PPARGC1A: variants seen among roughly 807,000 people sequenced by gnomAD.
The protein encoded by PPARGC1A is peroxisome proliferator-activated receptor gamma coactivator 1-alpha.
PPARGC1A carries 25 observed loss-of-function variants against 88.7 expected under a neutral mutation model. That is an observed-to-expected ratio of 0.28 (90% CI 0.21 to 0.39). PPARGC1A has a LOEUF of 0.39. Among genes scored for constraint, PPARGC1A ranks in the 10% least tolerant of loss-of-function variants. PPARGC1A has a pLI of 1.00. For synonymous variants in PPARGC1A, 363 were observed against 355.6 expected, an observed-to-expected ratio of 1.02 and a Z score of -0.24; for missense variants, 880 against 968.7, an observed-to-expected ratio of 0.91 and a Z score of 1.22.
At position 23,873,202 on chromosome 4, in the gene PPARGC1A, ATAAAAAATAAAAAAT is replaced by A. The variant is rs1458113875; in HGVS notation, c.234+11535_234+11549del. ...GACAGAGCGAGACTCCGTCTCAAAA[ATAAAAAATAAAAAAT>A]AAAAAATAAAGAAAAAAATGTGACC... is the stretch of plus-strand genomic sequence containing the variant. On this transcript the variant is annotated intron_variant, in intron 2 of 12. Coordinates refer to ENST00000264867, the MANE Select transcript of PPARGC1A (RefSeq NM_013261.5). 9.5e-5 allele frequency among the ~76,000 whole-genome samples: 13 copies of A among 136,900 alleles called. 2 individuals are homozygous for A. Among genetic ancestry groups the A allele is most frequent in the East Asian group, 4.4e-4 (2 of 4,520 alleles). 89.8% of individuals were successfully genotyped at this position (136,900 alleles called of 152,430 possible).
chr4:23,872,715 T>C (rs757041598), intron 2 of PPARGC1A, among the ~76,000 whole-genome samples: 5 of 152,210 alleles, frequency 3.3e-5, no homozygotes, highest in South Asian at 4.2e-4. Flanking sequence ...GGTTTACTTT[T>C]AACCACTGTA....
the PPARGC1A span, among the ~76,000 whole-genome samples, chr4:24,354,570 C>G: frequency 6.6e-6 from 1 of 152,154 alleles, no homozygotes. Context: ...TAAGACAAAA[C>G]AGCTGAGACA....
chr4:23,802,103 T>C, intron 11 of PPARGC1A, 121 bp downstream of exon 11: 1 of 1,412,548 alleles, frequency 7.1e-7, no homozygotes, highest in Non-Finnish European at 9.7e-7. Flanking sequence ...AATAAGGTTC[T>C]GAACTCAACA....
intron 2 of PPARGC1A, among the ~76,000 whole-genome samples, chr4:23,880,548 A>G (rs562544640): frequency 9.8e-5 from 15 of 152,334 alleles, no homozygotes; most frequent in African/African-American, 3.6e-4. Flanking sequence ...TAACTTTTTG[A>G]TAGGTACATA....
At chr4:23,802,139 G>T in intron 11 of PPARGC1A, 85 bp downstream of exon 11, 1 of 1,568,124 alleles carries the variant, frequency 6.4e-7, no homozygotes, top group Non-Finnish European at 8.7e-7. Flanking sequence ...CACTTACATT[G>T]GCAACTCCCA....
At chr4:23,801,020 A>T (rs925269886) in intron 12 of PPARGC1A, among the ~76,000 whole-genome samples, 2 of 150,298 alleles carry the variant, frequency 1.3e-5, no homozygotes, top group Non-Finnish European at 3.0e-5. Context: ...TATGAAATTT[A>T]ATTTTCTTCT....
At chr4:23,993,009 T>G in the PPARGC1A span, among the ~76,000 whole-genome samples, 3 of 152,270 alleles carry the variant, frequency 2.0e-5, no homozygotes, top group Admixed American at 1.3e-4. Flanking sequence ...TTCCCTTATA[T>G]GATATCCTAA....
the PPARGC1A span, among the ~76,000 whole-genome samples, chr4:24,397,674 G>A: frequency 1.3e-5 from 2 of 152,206 alleles, no homozygotes; most frequent in African/African-American, 2.4e-5. Flanking sequence ...ATGAAAGTCA[G>A]ATGTGGTGGA....
the PPARGC1A span, among the ~76,000 whole-genome samples, chr4:24,221,107 CA>C: frequency 2.6e-5 from 4 of 152,148 alleles, no homozygotes; most frequent in East Asian, 7.7e-4. Context: ...TTTTAGAAGA[CA>C]GGGAATAACA....
chr4:24,161,959 TATACACAC>T, the PPARGC1A span, among the ~76,000 whole-genome samples: 2,891 of 118,804 alleles, frequency 0.024, 36 homozygotes, highest in East Asian at 0.041. Context: ...GAAATTGTGA[TATACACAC>T]ACACACACAC....
At chr4:23,971,161 T>A in the PPARGC1A span, among the ~76,000 whole-genome samples, 1 of 152,176 alleles carries the variant, frequency 6.6e-6, no homozygotes. Context: ...TATACATATA[T>A]TAAGAATATT....
chr4:24,361,052 G>A, the PPARGC1A span, among the ~76,000 whole-genome samples: 4 of 152,224 alleles, frequency 2.6e-5, no homozygotes, highest in African/African-American at 9.6e-5. Flanking sequence ...AGGAGATAAC[G>A]AGGCAAGGGC....
At chr4:24,237,736 T>A in the PPARGC1A span, among the ~76,000 whole-genome samples, 1 of 152,164 alleles carries the variant, frequency 6.6e-6, no homozygotes, top group Non-Finnish European at 1.5e-5. Context: ...GCTCACATTA[T>A]CCATAAGACA....
chr4:23,825,345 T>A (rs1723743578), intron 5 of PPARGC1A: 1 of 152,162 alleles, frequency 6.6e-6, no homozygotes, highest in Non-Finnish European at 1.5e-5. Flanking sequence ...TCTATAAGCA[T>A]ATGTTTATGT....
intron 10 of PPARGC1A, among the ~76,000 whole-genome samples, chr4:23,807,741 G>T (rs1386433471): frequency 1.3e-5 from 2 of 151,240 alleles, no homozygotes; most frequent in Non-Finnish European, 1.5e-5. Context: ...TCTTTTGTGT[G>T]TGTGTGTGTG....
At chr4:24,027,231 G>GTGTGTGTGTGTGTGTGTGTGTGTGTC in the PPARGC1A span, among the ~76,000 whole-genome samples, 5 of 149,250 alleles carry the variant, frequency 3.4e-5, no homozygotes, top group Non-Finnish European at 7.4e-5. Flanking sequence ...GTGTGTCTGT[G>GTGTGTGTGTGTGTGTGTGTGTGTGTC]TGTGTCTGTG....
At chr4:23,847,337 C>G (rs569060085) in intron 2 of PPARGC1A, among the ~76,000 whole-genome samples, 1 of 152,274 alleles carries the variant, frequency 6.6e-6, no homozygotes, top group African/African-American at 2.4e-5. Flanking sequence ...CCAGTGCATA[C>G]CAAGTCTGGC....
In PPARGC1A at chr4:23,794,463, G is replaced by A. The variant is rs925334163; in HGVS notation, c.*1359C>T. ...TAGATTGAAGCTCACCTAAGGGATG[G>A]ATGTGCGGAAAGCATCATTTTGCTC... On this transcript the variant is annotated 3_prime_UTR_variant, in exon 13 of 13. Transcript: ENST00000264867. 1 of 152,436 alleles carries A rather than the reference G, an allele frequency of 6.6e-6. No individual in the cohort carries two copies. The highest frequency in any genetic ancestry group is 1.5e-5 in the Non-Finnish European group (1 of 68,016). The allele number at this position is 152,436 out of a possible 1,614,324, so 9.4% of individuals were successfully genotyped here. A position where few individuals can be genotyped will look rare whatever the true frequency, so the allele number is the denominator to read the frequency against.
At chr4:24,171,925 G>T in the PPARGC1A span, among the ~76,000 whole-genome samples, 1 of 152,166 alleles carries the variant, frequency 6.6e-6, no homozygotes, top group African/African-American at 2.4e-5. Context: ...ACATGTAAAG[G>T]TCACTTCTTA....
Sources: allele counts gnomAD v4.1 joint callset (sites outside exome capture counted in the v4.1 genomes callset), GRCh38; gene constraint gnomAD v4.1.1; transcripts MANE v1.5; gene names NCBI Gene and HGNC (gene_info 2026-07-23, HGNC 2026-07-21).